NREP: variants seen among roughly 807,000 people sequenced by gnomAD.
NREP encodes neuronal regeneration related protein, also known as neuronal regeneration-related protein.
Under a neutral mutation model 8.6 loss-of-function variants are expected in NREP, and 5 were observed. The observed-to-expected ratio is 0.58, with a 90% confidence interval of 0.30 to 1.22. The LOEUF (loss-of-function observed/expected upper bound fraction) is 1.22, where lower values mean the gene tolerates loss of function less well. Ranked by LOEUF, NREP falls within the 50% of genes most tolerant of loss-of-function variation. NREP has a pLI of 0.07. For synonymous variants in NREP, 27 were observed against 28.0 expected (o/e 0.96, Z 0.11); for missense variants, 86 against 82.5 (o/e 1.04, Z -0.17).
chr5:111,797,062 A>AAGATAGAT (rs58573941), intron 2 of NREP, among the ~76,000 whole-genome samples: 7,247 of 147,402 alleles, frequency 0.049, 184 homozygotes, highest in East Asian at 0.072. Context: ...AGTGTCTACT[A>AAGATAGAT]AGATAGATAG....
intron 2 of NREP, among the ~76,000 whole-genome samples, chr5:111,830,842 T>C (rs1040185281): frequency 1.3e-5 from 2 of 152,196 alleles, no homozygotes; most frequent in African/African-American, 4.8e-5. Context: ...CCCACAGTAA[T>C]AAAGGAAAGC....
At chr5:111,797,730 C>T (rs1180470593) in intron 2 of NREP, among the ~76,000 whole-genome samples, 6 of 152,116 alleles carry the variant, frequency 3.9e-5, no homozygotes, top group African/African-American at 1.4e-4. Flanking sequence ...GTAGCGGCCT[C>T]AATGAGTCAG....
At chr5:111,814,449 A>T (rs1241248381) in intron 2 of NREP, among the ~76,000 whole-genome samples, 1 of 152,180 alleles carries the variant, frequency 6.6e-6, no homozygotes, top group Admixed American at 6.5e-5. Flanking sequence ...GCAAAGGCAG[A>T]AAAACAACGA....
intron 2 of NREP, among the ~76,000 whole-genome samples, chr5:111,840,192 G>C (rs938300212): frequency 1.3e-5 from 2 of 152,062 alleles, no homozygotes; most frequent in South Asian, 2.1e-4. Context: ...TAGCTCTGCT[G>C]TTAGGGGTAT....
At chr5:111,915,038 A>T (rs1429274764) in intron 2 of NREP, among the ~76,000 whole-genome samples, 2 of 152,102 alleles carry the variant, frequency 1.3e-5, no homozygotes, top group East Asian at 1.9e-4. Context: ...ATGCCCTCTG[A>T]ATCCCTTTGA....
intron 2 of NREP, among the ~76,000 whole-genome samples, chr5:111,852,016 G>GT (rs1753322020): frequency 6.6e-6 from 1 of 152,158 alleles, no homozygotes; most frequent in Non-Finnish European, 1.5e-5. Flanking sequence ...TGTGGTAGTA[G>GT]TAAGAGGCGG....
At chr5:111,940,985 A>G (rs1338524380) in intron 2 of NREP, among the ~76,000 whole-genome samples, 1 of 152,100 alleles carries the variant, frequency 6.6e-6, no homozygotes, top group Non-Finnish European at 1.5e-5. Flanking sequence ...AAATCCACAA[A>G]GTACATTTAT....
chr5:111,739,661 T>C (rs772113404), intron 2 of NREP: 6 of 152,102 alleles, frequency 3.9e-5, no homozygotes, highest in African/African-American at 1.2e-4. Context: ...CATTCATTCA[T>C]TGTCTGAATT....
chr5:111,794,393 A>G (rs1203824970), intron 2 of NREP, among the ~76,000 whole-genome samples: 1 of 152,252 alleles, frequency 6.6e-6, no homozygotes, highest in Non-Finnish European at 1.5e-5. Context: ...ACAGCACTTT[A>G]CTCATAATTG....
chr5:111,973,200 G>T (rs1327648815), intron 2 of NREP, among the ~76,000 whole-genome samples: 1 of 151,928 alleles, frequency 6.6e-6, no homozygotes, highest in East Asian at 1.9e-4. Context: ...TTCTGATCTT[G>T]CAGTGCCAGC....
intron 2 of NREP, among the ~76,000 whole-genome samples, chr5:111,876,631 A>G (rs1331331238): frequency 1.3e-5 from 2 of 152,232 alleles, no homozygotes; most frequent in African/African-American, 4.8e-5. Context: ...GTGAGGAAAG[A>G]CCATCATCAT....
chr5:111,974,134 A>G (rs1027794782), intron 2 of NREP, among the ~76,000 whole-genome samples: 3 of 152,118 alleles, frequency 2.0e-5, no homozygotes, highest in Non-Finnish European at 4.4e-5. Flanking sequence ...CCCTTTCTAC[A>G]GTGAGTGTGT....
At chr5:111,824,805 G>C (rs1752585309) in intron 2 of NREP, among the ~76,000 whole-genome samples, 1 of 152,272 alleles carries the variant, frequency 6.6e-6, no homozygotes, top group Admixed American at 6.5e-5. Flanking sequence ...TTAGCACACA[G>C]TTGTTCCAGT....
intron 2 of NREP, among the ~76,000 whole-genome samples, chr5:111,961,360 T>C (rs1006341963): frequency 3.3e-5 from 5 of 152,242 alleles, no homozygotes; most frequent in African/African-American, 1.2e-4. Flanking sequence ...AAATGCAGTA[T>C]TCTTGTCCAA....
At chr5:111,905,647 A>C (rs751323819) in intron 2 of NREP, among the ~76,000 whole-genome samples, 2 of 152,146 alleles carry the variant, frequency 1.3e-5, no homozygotes, top group Non-Finnish European at 2.9e-5. Flanking sequence ...AAATCGAAAG[A>C]GAACTTTATG....
At chr5:111,969,103 A>G (rs1756728583) in intron 2 of NREP, among the ~76,000 whole-genome samples, 1 of 152,258 alleles carries the variant, frequency 6.6e-6, no homozygotes, top group South Asian at 2.1e-4. Context: ...ATCTGTAACT[A>G]GATGATGATC....
intron 2 of NREP, among the ~76,000 whole-genome samples, chr5:111,973,951 A>G (rs1756891478): frequency 6.6e-6 from 1 of 152,222 alleles, no homozygotes; most frequent in African/African-American, 2.4e-5. Flanking sequence ...TCCCCAAAGT[A>G]TGTACACATA....
In NREP at chr5:111,730,697, G is replaced by A. The variant is rs948122363; in HGVS notation, c.*224C>T. On this transcript the variant is annotated 3_prime_UTR_variant, in exon 4 of 4. Transcript: ENST00000257435. ...AGGCCCACCTGTAAGGGTTGTAAAC[G>A]TGGATTCACAGTGTGAAATTCTGAG... The A allele has an allele frequency of 3.9e-5, 19 of 485,342 alleles. No homozygotes were observed. The highest frequency in any genetic ancestry group is 5.8e-5 in the Non-Finnish European group (16 of 277,150). 30.1% of individuals were successfully genotyped at this position (485,342 alleles called of 1,614,324 possible).
chr5:111,753,532 CTAAA>C (rs1750512009), intron 2 of NREP, among the ~76,000 whole-genome samples: 2 of 151,888 alleles, frequency 1.3e-5, no homozygotes, highest in African/African-American at 4.8e-5. Flanking sequence ...CTGGAATCTA[CTAAA>C]TAATTTCTTA....
Sources: gnomAD v4.1 joint callset for allele counts (sites outside exome capture counted in the v4.1 genomes callset) on GRCh38, gnomAD v4.1.1 for gene constraint, MANE v1.5 for transcripts, NCBI Gene and HGNC (gene_info 2026-07-23, HGNC 2026-07-21) for gene names.